The following ENTREP2 variants were observed in gnomAD, a reference collection of about 807,000 sequenced individuals.
The protein encoded by ENTREP2 is endosomal transmembrane epsin interactor 2, also known as protein ENTREP2.
chr15:29,579,662 C>T, the ENTREP2 span, among the ~76,000 whole-genome samples: 6 of 134,924 alleles, frequency 4.4e-5, no homozygotes, highest in East Asian at 2.3e-4. Context: ...TGGGACTACA[C>T]GCACCTGCCA....
At chr15:29,668,281 C>A in the ENTREP2 span, among the ~76,000 whole-genome samples, 96 of 152,300 alleles carry the variant, frequency 6.3e-4, 1 homozygote, top group African/African-American at 2.3e-3. Context: ...ACAGAAATAA[C>A]CACCACCAAT....
At chr15:29,183,217 TTAGAG>T in the ENTREP2 span, among the ~76,000 whole-genome samples, 4 of 152,128 alleles carry the variant, frequency 2.6e-5, no homozygotes, top group African/African-American at 9.7e-5. Flanking sequence ...GGGAAATCGT[TTAGAG>T]TAAAGAGCAA....
At chr15:29,257,009 T>G in the ENTREP2 span, among the ~76,000 whole-genome samples, 2,213 of 151,996 alleles carry the variant, frequency 0.015, 63 homozygotes, top group African/African-American at 0.051. Context: ...TGCCTAATAC[T>G]TCATGGCACA....
chr15:29,456,982 C>A, the ENTREP2 span, among the ~76,000 whole-genome samples: 9 of 152,232 alleles, frequency 5.9e-5, no homozygotes, highest in Non-Finnish European at 1.2e-4. Flanking sequence ...GAGAAATGAG[C>A]AAACAATGTG....
chr15:29,342,891 T>C, the ENTREP2 span, among the ~76,000 whole-genome samples: 1 of 152,202 alleles, frequency 6.6e-6, no homozygotes, highest in African/African-American at 2.4e-5. Context: ...GTTTGGTACT[T>C]TGCTTCTAAG....
the ENTREP2 span, among the ~76,000 whole-genome samples, chr15:29,540,074 T>A: frequency 1.3e-5 from 2 of 152,092 alleles, no homozygotes; most frequent in Non-Finnish European, 2.9e-5. Context: ...TCACAGCCCA[T>A]TGCCTCCCTG....
At chr15:29,663,827 C>T in the ENTREP2 span, among the ~76,000 whole-genome samples, 4 of 152,090 alleles carry the variant, frequency 2.6e-5, no homozygotes, top group East Asian at 1.9e-4. Flanking sequence ...CAAACCTGCA[C>T]GTTGTGCACA....
the ENTREP2 span, chr15:29,610,641 A>G: frequency 4.7e-5 from 7 of 150,534 alleles, no homozygotes. Flanking sequence ...TTCAGGGTCA[A>G]TAAAGGCAGA....
chr15:29,189,106 C>T, the ENTREP2 span, among the ~76,000 whole-genome samples: 1 of 152,200 alleles, frequency 6.6e-6, no homozygotes, highest in African/African-American at 2.4e-5. Context: ...GCCACTCTAG[C>T]AATTCAATCA....
At chr15:29,422,792 G>A in the ENTREP2 span, among the ~76,000 whole-genome samples, 4 of 152,306 alleles carry the variant, frequency 2.6e-5, no homozygotes, top group Middle Eastern at 3.4e-3. Flanking sequence ...AAAGAACAGT[G>A]CTGAGACAGC....
the ENTREP2 span, among the ~76,000 whole-genome samples, chr15:29,390,849 G>C: frequency 6.6e-6 from 1 of 152,198 alleles, no homozygotes; most frequent in Non-Finnish European, 1.5e-5. Context: ...TGAAAGCCAA[G>C]TAAATTACTT....
At chr15:29,324,683 T>C in the ENTREP2 span, among the ~76,000 whole-genome samples, 1 of 152,172 alleles carries the variant, frequency 6.6e-6, no homozygotes, top group Non-Finnish European at 1.5e-5. Context: ...CATAGTGATA[T>C]AAAGGTCAGT....
chr15:29,399,007 G>A, the ENTREP2 span, among the ~76,000 whole-genome samples: 65 of 152,338 alleles, frequency 4.3e-4, 1 homozygote, highest in South Asian at 0.012. Context: ...GGCCCTTGGT[G>A]AAGTCCCAAT....
At chr15:29,139,513 G>A in the ENTREP2 span, among the ~76,000 whole-genome samples, 1 of 152,152 alleles carries the variant, frequency 6.6e-6, no homozygotes, top group Non-Finnish European at 1.5e-5. Flanking sequence ...AAATATCAAT[G>A]ACATACCCAA....
At chr15:29,311,251 C>G in the ENTREP2 span, among the ~76,000 whole-genome samples, 1 of 152,066 alleles carries the variant, frequency 6.6e-6, no homozygotes, top group Non-Finnish European at 1.5e-5. Context: ...ATTATATGAT[C>G]GATAGATTTC....
chr15:29,123,222 CCCA>C, the ENTREP2 span: 5 of 1,129,094 alleles, frequency 4.4e-6, no homozygotes, highest in South Asian at 1.8e-5. Flanking sequence ...GGGTGTCCCC[CCCA>C]CATTTATCCT....
At chr15:29,255,195 T>G in the ENTREP2 span, among the ~76,000 whole-genome samples, 1 of 152,196 alleles carries the variant, frequency 6.6e-6, no homozygotes, top group Admixed American at 6.5e-5. Flanking sequence ...AGAATGGTAT[T>G]CAGATACCAT....
chr15:29,146,360 AACTAC>A, the ENTREP2 span, among the ~76,000 whole-genome samples: 1 of 152,204 alleles, frequency 6.6e-6, no homozygotes, highest in African/African-American at 2.4e-5. Context: ...AATGTTCAAA[AACTAC>A]AGAACTGGAG....
the ENTREP2 span, among the ~76,000 whole-genome samples, chr15:29,624,181 A>G: frequency 6.6e-5 from 10 of 152,196 alleles, no homozygotes; most frequent in Non-Finnish European, 7.3e-5. Context: ...TCTATATCCT[A>G]TGATAGTTAT....
Sources: allele counts gnomAD v4.1 joint callset (sites outside exome capture counted in the v4.1 genomes callset), GRCh38; gene constraint gnomAD v4.1.1; transcripts MANE v1.5; gene names NCBI Gene and HGNC (gene_info 2026-07-23, HGNC 2026-07-21).